SPHKAP: variants seen among roughly 807,000 people sequenced by gnomAD.
The protein encoded by SPHKAP is SPHK1 interactor, AKAP domain containing.
SPHKAP carries 67 observed loss-of-function variants against 137.5 expected under a neutral mutation model. That is an observed-to-expected ratio of 0.49 (90% CI 0.40 to 0.60). The LOEUF (loss-of-function observed/expected upper bound fraction) is 0.60. Ranked by LOEUF, SPHKAP falls within the 20% of genes least tolerant of loss-of-function variation. SPHKAP has a pLI of 0.00. For synonymous variants in SPHKAP, 813 were observed against 785.3 expected, an observed-to-expected ratio of 1.04 and a Z score of -0.59; for missense variants, 2,097 against 2,069.3, an observed-to-expected ratio of 1.01 and a Z score of -0.26.
chr2:228,042,683 C>T (rs1695897760), intron 3 of SPHKAP, among the ~76,000 whole-genome samples: 1 of 152,058 alleles, frequency 6.6e-6, no homozygotes, highest in Non-Finnish European at 1.5e-5. Flanking sequence ...AATTTGGCTC[C>T]TTGCCTGTAA....
intron 1 of SPHKAP, among the ~76,000 whole-genome samples, chr2:228,150,570 T>A (rs1000724291): frequency 1.3e-5 from 2 of 152,148 alleles, no homozygotes; most frequent in African/African-American, 4.8e-5. Context: ...AACATTTTAA[T>A]AATGTTATAT....
rs982465794 is a variant in SPHKAP at position 227,995,552 on chromosome 2, C to A, written c.4591G>T (p.Asp1531Tyr). 1 of 1,614,190 alleles carries A rather than the reference C, an allele frequency of 6.2e-7. No individual in the cohort carries two copies. Among genetic ancestry groups the A allele is most frequent in the East Asian group, 2.2e-5 (1 of 44,868 alleles). ...AGCTGGAGAAAGCTACTTGTGTCAT[C>A]TGGGTTGTCTTCCTCATTGGCAAGC... ...TQLANEEDNPDDTSSFLQLSE... is the reference protein window; with the variant it reads ...TQLANEEDNPYDTSSFLQLSE... The change falls in exon 8 of 12, where the codon GAT becomes TAT. Residue 1531 changes from aspartate (D) to tyrosine (Y), a missense_variant. Transcript: ENST00000392056.
At chr2:228,121,916 G>A (rs1247002365) in intron 2 of SPHKAP, among the ~76,000 whole-genome samples, 1 of 152,074 alleles carries the variant, frequency 6.6e-6, no homozygotes, top group Non-Finnish European at 1.5e-5. Context: ...TGAGAAAGAT[G>A]GATGCTATGA....
chr2:228,028,240 C>G (rs1227508380), intron 3 of SPHKAP, among the ~76,000 whole-genome samples: 1 of 152,174 alleles, frequency 6.6e-6, no homozygotes, highest in Non-Finnish European at 1.5e-5. Context: ...ATACTTTTCT[C>G]TATTTTCTCC....
At chr2:227,993,467 C>A in intron 9 of SPHKAP, 67 bp downstream of exon 9, 1 of 1,424,712 alleles carries the variant, frequency 7.0e-7, no homozygotes, top group South Asian at 1.2e-5. Context: ...CCTGAATGAT[C>A]AAAATGGATT....
At chr2:227,996,522 T>C (rs546522013) in intron 7 of SPHKAP, among the ~76,000 whole-genome samples, 7 of 152,312 alleles carry the variant, frequency 4.6e-5, no homozygotes, top group African/African-American at 1.7e-4. Context: ...CCACAGTCGG[T>C]TCCTAAGCAA....
At chr2:228,109,401 T>C in intron 2 of SPHKAP, 3 of 983,802 alleles carry the variant, frequency 3.0e-6, no homozygotes, top group Non-Finnish European at 2.4e-6. Flanking sequence ...TGAACTAGTG[T>C]ACAATTTTTC....
At chr2:228,003,415 T>G (rs1488123787) in intron 7 of SPHKAP, among the ~76,000 whole-genome samples, 1 of 152,238 alleles carries the variant, frequency 6.6e-6, no homozygotes, top group Admixed American at 6.5e-5. Context: ...ATTGATTTTG[T>G]ATCCTGAGAC....
At chr2:228,021,197 ATC>A (rs1694829559) in intron 6 of SPHKAP, among the ~76,000 whole-genome samples, 2 of 152,198 alleles carry the variant, frequency 1.3e-5, no homozygotes, top group South Asian at 2.1e-4. Context: ...TTCCTGGATT[ATC>A]TCTTTCTGTC....
intron 1 of SPHKAP, among the ~76,000 whole-genome samples, chr2:228,152,949 A>T (rs1368758869): frequency 6.6e-6 from 1 of 152,122 alleles, no homozygotes; most frequent in Non-Finnish European, 1.5e-5. Context: ...TAATTGAATC[A>T]TGGAGGGAGT....
intron 1 of SPHKAP, among the ~76,000 whole-genome samples, chr2:228,134,699 T>C (rs1303781692): frequency 6.6e-6 from 1 of 152,190 alleles, no homozygotes; most frequent in African/African-American, 2.4e-5. Context: ...TCAAGTTATA[T>C]GACTCCTTCT....
At chr2:228,060,871 A>G (rs1439903422) in intron 3 of SPHKAP, among the ~76,000 whole-genome samples, 1 of 152,184 alleles carries the variant, frequency 6.6e-6, no homozygotes, top group Non-Finnish European at 1.5e-5. Flanking sequence ...CTCTGTGAGT[A>G]TAATGGGTGA....
intron 3 of SPHKAP, among the ~76,000 whole-genome samples, chr2:228,060,532 TTTTAA>T (rs1432331487): frequency 6.6e-6 from 1 of 152,238 alleles, no homozygotes; most frequent in Non-Finnish European, 1.5e-5. Flanking sequence ...GTTACAGTGT[TTTTAA>T]TTTGATTAAT....
chr2:228,019,008 C>G lies in SPHKAP; in HGVS notation c.1846G>C (p.Ala616Pro). The G allele has an allele frequency of 6.2e-7, 1 of 1,613,966 alleles. No individual in the cohort carries two copies. Among genetic ancestry groups the G allele is most frequent in the Non-Finnish European group, 8.5e-7 (1 of 1,179,944 alleles). The change falls in exon 7 of 12, where the codon GCC (alanine) becomes CCC (proline). Residue 616 changes from alanine to proline, a missense_variant. Physicochemically the swap from Ala to Pro is conservative, Grantham distance 27 (BLOSUM62 -1). Coordinates refer to ENST00000392056, the MANE Select transcript of SPHKAP (RefSeq NM_001142644.2). ...GCAGCCTCCTTGAGCAATCCCTTGG[C>G]AATGGCTTCCTTGCCAAGCTCCATG... is the stretch of plus-strand genomic sequence containing the variant. ...ASMELGKEAI[A>P]KGLLKEAALV... is the part of the protein sequence containing the mutation.
intron 11 of SPHKAP, chr2:227,990,783 A>G (rs1055688189): frequency 4.0e-6 from 2 of 503,876 alleles, no homozygotes; most frequent in African/African-American, 3.8e-5. Flanking sequence ...TTTTCTCACT[A>G]CCACCTACTA....
Position 228,025,531 on chromosome 2 carries a change from G to A in SPHKAP, c.307-3C>T. The stretch of plus-strand genomic sequence containing the variant: ...TCTGGTGAAACGTTGACCAGTTTCT[G>A]TAAAGCAAGAATCTTTATTAGTTTA... On this transcript the variant is annotated splice_polypyrimidine_tract_variant and splice_region_variant and intron_variant, in intron 4 of 11. Coordinates refer to ENST00000392056, the MANE Select transcript of SPHKAP (RefSeq NM_001142644.2). The A allele has an allele frequency of 6.2e-7, 1 of 1,613,204 alleles. No individual in the cohort carries two copies. The highest frequency in any genetic ancestry group is 8.5e-7 in the Non-Finnish European group (1 of 1,179,666).
In SPHKAP at chr2:228,016,645, T is replaced by C. The variant is rs1004561185; in HGVS notation, c.4209A>G (p.Lys1403=). 2.5e-6 allele frequency: 4 copies of C among 1,613,732 alleles called. No individual in the cohort carries two copies. The highest frequency in any genetic ancestry group is 3.4e-6 in the Non-Finnish European group (4 of 1,179,924). ...CAGGGTCCTGGCACGAGGAAGTTTC[T>C]TTTTTAGAATCTAAAGGGCTGTGGT... is the stretch of plus-strand genomic sequence containing the variant. ...LTNHSPLDSK[K]ETSSCQDPVP... is the part of the protein sequence containing the mutation. The change falls in exon 7 of 12, where the codon AAA becomes AAG. Residue 1403 remains lysine, a synonymous_variant. Transcript: ENST00000392056.
chr2:228,168,656 T>C (rs4616469), intron 1 of SPHKAP, among the ~76,000 whole-genome samples: 20,564 of 152,044 alleles, frequency 0.14, 1,405 homozygotes, highest in East Asian at 0.2. Flanking sequence ...CTCTCTATTC[T>C]CCAAGACAAA....
intron 3 of SPHKAP, among the ~76,000 whole-genome samples, chr2:228,059,504 G>C (rs566869196): frequency 1.3e-5 from 2 of 152,194 alleles, no homozygotes; most frequent in Non-Finnish European, 2.9e-5. Flanking sequence ...GAATATGCCA[G>C]CCAGTGACTG....
Sources: gnomAD v4.1 joint callset for allele counts (sites outside exome capture counted in the v4.1 genomes callset) on GRCh38, gnomAD v4.1.1 for gene constraint, MANE v1.5 for transcripts, NCBI Gene and HGNC (gene_info 2026-07-23, HGNC 2026-07-21) for gene names.